Variants in SUSD1 observed in about 807,000 individuals in gnomAD.
SUSD1 encodes the protein sushi domain-containing protein 1.
In SUSD1, 65 loss-of-function variants were observed where a neutral mutation model predicts 86.9. That is an observed-to-expected ratio of 0.75 (90% CI 0.61 to 0.92). The LOEUF (loss-of-function observed/expected upper bound fraction) is 0.92, where lower values mean the gene tolerates loss of function less well. Ranked by LOEUF, SUSD1 falls within the 40% of genes least tolerant of loss-of-function variation. The probability of loss-of-function intolerance (pLI) is 0.00; values close to 1 mark genes in which losing one functional copy is unlikely to be tolerated. For missense variants in SUSD1, 850 were observed against 929.7 expected (o/e 0.91, Z 1.11); for synonymous variants, 346 against 350.0 (o/e 0.99, Z 0.13).
chr9:112,096,019 A>G (rs1260970355), intron 10 of SUSD1, among the ~76,000 whole-genome samples: 1 of 152,210 alleles, frequency 6.6e-6, no homozygotes, highest in Non-Finnish European at 1.5e-5. Context: ...TACAGTGTCA[A>G]AATGAATCCA....
chr9:112,060,341 A>G (rs1450518402), intron 13 of SUSD1, among the ~76,000 whole-genome samples: 1 of 152,132 alleles, frequency 6.6e-6, no homozygotes, highest in Non-Finnish European at 1.5e-5. Context: ...AGCTCACTGC[A>G]ACCTTTACCT....
In SUSD1 at chr9:112,051,408, CTTTTTTT is replaced by C. The variant is rs746946192; in HGVS notation, c.2149+984_2149+990del. On this transcript the variant is annotated intron_variant, in intron 15 of 16. Coordinates refer to ENST00000374270, the MANE Select transcript of SUSD1 (RefSeq NM_022486.5). ...TGTTAAGGGAAGAAGTTTTTCTTTTCTTTTTTTTTTTTTTTTTTTTTTTTTGTTGTTG... is the reference window on the plus strand; with the variant it reads ...TGTTAAGGGAAGAAGTTTTTCTTTTCTTTTTTTTTTTTTTTTTTGTTGTTG... 2.0e-3 allele frequency among the ~76,000 whole-genome samples: 155 copies of C among 77,044 alleles called. 1 individual carries two copies. Among genetic ancestry groups the C allele is most frequent in the South Asian group, 0.011 (24 of 2,146 alleles). The allele number at this position is 77,044 out of a possible 152,430, so 50.5% of individuals were successfully genotyped here.
chr9:112,100,058 G>C (rs1830563463), intron 9 of SUSD1, among the ~76,000 whole-genome samples: 1 of 152,192 alleles, frequency 6.6e-6, no homozygotes, highest in South Asian at 2.1e-4. Flanking sequence ...TTACTAGTGA[G>C]GCATAATGTG....
At position 112,086,493 on chromosome 9, in the gene SUSD1, TCTAA is replaced by T. The variant is rs201253582; in HGVS notation, c.1475-6332_1475-6329del. 8.3e-3 allele frequency among the ~76,000 whole-genome samples: 1,137 copies of T among 137,368 alleles called. 15 individuals carry two copies. Among genetic ancestry groups the T allele is most frequent in the African/African-American group, 0.031 (1,074 of 34,964 alleles). 90.1% of individuals were successfully genotyped at this position (137,368 alleles called of 152,430 possible). A position where few individuals can be genotyped will look rare whatever the true frequency, so the allele number is the denominator to read the frequency against. On this transcript the variant is annotated intron_variant, in intron 10 of 16. Transcript: ENST00000374270. ...TCACTCCCAGCAAGAGAAACTCCAC[TCTAA>T]CTATGAAAAAAAGAAAGAAAGAAAG...
intron 14 of SUSD1, among the ~76,000 whole-genome samples, chr9:112,054,766 A>G (rs1399008303): frequency 6.6e-6 from 1 of 152,152 alleles, no homozygotes; most frequent in Non-Finnish European, 1.5e-5. Flanking sequence ...GCTTCCTGAA[A>G]CCGGATTTCT....
intron 5 of SUSD1, among the ~76,000 whole-genome samples, chr9:112,141,143 T>C (rs1478246644): frequency 5.9e-5 from 9 of 152,196 alleles, no homozygotes. Flanking sequence ...GTACATACAG[T>C]AATATACATA....
intron 5 of SUSD1, among the ~76,000 whole-genome samples, chr9:112,132,744 C>T (rs765637799): frequency 7.9e-5 from 12 of 152,188 alleles, no homozygotes; most frequent in Non-Finnish European, 1.6e-4. Context: ...TAAATATCCC[C>T]TGCAGTCCTT....
chr9:112,076,547 C>T (rs1256757877), intron 12 of SUSD1, among the ~76,000 whole-genome samples: 3 of 152,102 alleles, frequency 2.0e-5, no homozygotes, highest in African/African-American at 4.8e-5. Context: ...TCACAAGTTC[C>T]GTTTGATTTG....
intron 15 of SUSD1, among the ~76,000 whole-genome samples, chr9:112,046,847 G>A (rs1827976739): frequency 6.6e-6 from 1 of 152,176 alleles, no homozygotes; most frequent in Non-Finnish European, 1.5e-5. Flanking sequence ...TTAAAGATAA[G>A]TTTAAAGATT....
chr9:112,074,160 G>A (rs570509222), intron 12 of SUSD1, among the ~76,000 whole-genome samples: 24 of 152,280 alleles, frequency 1.6e-4, no homozygotes, highest in Non-Finnish European at 2.6e-4. Context: ...AGGTTGCAGT[G>A]AGCTCAGATC....
intron 1 of SUSD1, among the ~76,000 whole-genome samples, chr9:112,166,133 AGAT>A (rs1463761496): frequency 6.6e-6 from 1 of 152,210 alleles, no homozygotes; most frequent in Non-Finnish European, 1.5e-5. Context: ...GACTATCTGC[AGAT>A]GAGAAGGTGG....
In SUSD1 at chr9:112,104,220, T is replaced by C. The variant is rs542443816; in HGVS notation, c.1172-1935A>G. Among the ~76,000 whole-genome samples the C allele has an allele frequency of 2.6e-5, 4 of 152,010 alleles. No homozygotes were observed. The East Asian group carries it at 7.7e-4, about 29-fold the overall frequency. The stretch of plus-strand genomic sequence containing the variant: ...CTTTTGTAGAAATAGGGTTTCACCA[T>C]GTCCCCAGGCTGGTTTCAAACTCCT... On this transcript the variant is annotated intron_variant, in intron 8 of 16. Coordinates refer to ENST00000374270, the MANE Select transcript of SUSD1 (RefSeq NM_022486.5).
intron 15 of SUSD1, among the ~76,000 whole-genome samples, chr9:112,045,852 A>G (rs1239291150): frequency 6.6e-6 from 1 of 152,204 alleles, no homozygotes; most frequent in African/African-American, 2.4e-5. Flanking sequence ...CGCTACATCC[A>G]TGTTGGAAGA....
intron 8 of SUSD1, among the ~76,000 whole-genome samples, chr9:112,111,096 G>T (rs1371848063): frequency 6.6e-6 from 1 of 152,166 alleles, no homozygotes; most frequent in African/African-American, 2.4e-5. Context: ...GGGTTCAAGT[G>T]ATTCTTGTGC....
chr9:112,149,677 T>G (rs897265200), intron 2 of SUSD1, among the ~76,000 whole-genome samples: 5 of 152,180 alleles, frequency 3.3e-5, no homozygotes, highest in Non-Finnish European at 5.9e-5. Flanking sequence ...GAGGGTTCTC[T>G]TTGAACTTTT....
In SUSD1 at chr9:112,149,278, C is replaced by T. The variant is rs1277786273; in HGVS notation, c.339G>A (p.Lys113=). 1 of 1,614,194 alleles carries T rather than the reference C, an allele frequency of 6.2e-7. No homozygotes were observed. Among genetic ancestry groups the T allele is most frequent in the East Asian group, 2.2e-5 (1 of 44,880 alleles). The change falls in exon 3 of 17, where the codon AAG becomes AAA. Residue 113 remains lysine (K), a synonymous_variant. Coordinates refer to ENST00000374270, the MANE Select transcript of SUSD1 (RefSeq NM_022486.5). ...AGGTGCCATCGTTGGGAATGAATGT[C>T]TTGTTGTTGTTTGTGGCTCGATATC... ...LEGYRATNNN[K]TFIPNDGTFC...
intron 1 of SUSD1, chr9:112,173,456 A>AGCC (rs1834131599): frequency 5.8e-6 from 1 of 172,086 alleles, no homozygotes; most frequent in African/African-American, 2.4e-5. Flanking sequence ...GGAGGACATC[A>AGCC]GCCCCATGCA....
chr9:112,170,448 C>T (rs1385761856), intron 1 of SUSD1, among the ~76,000 whole-genome samples: 2 of 152,050 alleles, frequency 1.3e-5, no homozygotes, highest in East Asian at 3.9e-4. Flanking sequence ...ACAGGACTAA[C>T]TGGTTCTACC....
At chr9:112,075,098 A>C (rs1201469066) in intron 12 of SUSD1, among the ~76,000 whole-genome samples, 1 of 152,208 alleles carries the variant, frequency 6.6e-6, no homozygotes, top group Non-Finnish European at 1.5e-5. Flanking sequence ...AAATATGAGA[A>C]AGACCACAGA....
Sources: allele counts gnomAD v4.1 joint callset (sites outside exome capture counted in the v4.1 genomes callset), GRCh38; gene constraint gnomAD v4.1.1; transcripts MANE v1.5; gene names NCBI Gene and HGNC (gene_info 2026-07-23, HGNC 2026-07-21).